Variants in HBP1 observed in about 807,000 individuals in gnomAD.
HBP1 encodes the protein HMG box-containing protein 1.
HBP1 carries 20 observed loss-of-function variants against 62.6 expected under a neutral mutation model. The observed-to-expected ratio is 0.32, with a 90% CI of 0.22 to 0.46. The LOEUF (loss-of-function observed/expected upper bound fraction) is 0.46. Ranked by LOEUF, HBP1 falls within the 20% of genes least tolerant of loss-of-function variation. The pLI, the probability that HBP1 is intolerant of heterozygous loss-of-function variation, is 1.00. For synonymous variants in HBP1, 232 were observed against 206.2 expected, an observed-to-expected ratio of 1.12 and a Z score of -1.07; for missense variants, 480 against 611.8, an observed-to-expected ratio of 0.78 and a Z score of 2.27.
intron 3 of HBP1, among the ~76,000 whole-genome samples, chr7:107,184,534 G>C (rs1444434932): frequency 6.6e-6 from 1 of 151,988 alleles, no homozygotes; most frequent in African/African-American, 2.4e-5. Context: ...TTTTTGAGAC[G>C]GAGTCTTGCT....
intron 9 of HBP1, chr7:107,197,048 G>C (rs1352165142): frequency 6.6e-6 from 1 of 152,200 alleles, no homozygotes; most frequent in Non-Finnish European, 1.5e-5. Flanking sequence ...CAAGCTGCCA[G>C]AGTTGTCAAA....
intron 1 of HBP1, 30 bp downstream of exon 1, chr7:107,169,215 GGGGGTGGGGAAGGGA>G: frequency 2.2e-6 from 2 of 911,656 alleles, no homozygotes; most frequent in Non-Finnish European, 2.8e-6. Flanking sequence ...GGGAAGAGGT[GGGGGTGGGGAAGGGA>G]GGGGCAGGAG....
chr7:107,186,166 C>CTTTTTTTTTTTTTTTTTTTTT (rs80124304), intron 4 of HBP1, among the ~76,000 whole-genome samples, 195 bp from the exon 5 acceptor site: 9 of 116,098 alleles, frequency 7.8e-5, no homozygotes, highest in Admixed American at 1.9e-4. Context: ...CTTTTTTTTT[C>CTTTTTTTTTTTTTTTTTTTTT]TTTTTTTTTT....
chr7:107,175,012 C>G (rs1174425475), intron 1 of HBP1, among the ~76,000 whole-genome samples: 1 of 151,890 alleles, frequency 6.6e-6, no homozygotes, highest in Non-Finnish European at 1.5e-5. Context: ...CACTGAGAAC[C>G]ATTGCAAAGG....
Position 107,200,151 on chromosome 7 carries a change from AT to A in HBP1, c.1386-5del. Reference sequence around the variant, plus strand: ...TGCTTTCAGCATTGTGTAAATATTTATTTTACAGAGCCATAAGTGTGATCCT... The same window carrying A: ...TGCTTTCAGCATTGTGTAAATATTTATTTACAGAGCCATAAGTGTGATCCT... On this transcript the variant is annotated splice_region_variant and splice_polypyrimidine_tract_variant and intron_variant, in intron 9 of 10. Transcript: ENST00000222574. 1 of 1,565,010 alleles carries A rather than the reference AT, an allele frequency of 6.4e-7. No individual in the cohort carries two copies. The highest frequency in any genetic ancestry group is 8.6e-7 in the Non-Finnish European group (1 of 1,156,770).
intron 1 of HBP1, among the ~76,000 whole-genome samples, chr7:107,176,641 A>G (rs1415609045): frequency 6.6e-6 from 1 of 151,834 alleles, no homozygotes; most frequent in African/African-American, 2.4e-5. Context: ...TTTTTTAAGC[A>G]TATGTATGAT....
At chr7:107,199,433 A>AAGTT (rs1491369624) in intron 9 of HBP1, among the ~76,000 whole-genome samples, 2 of 152,250 alleles carry the variant, frequency 1.3e-5, no homozygotes, top group Non-Finnish European at 2.9e-5. Flanking sequence ...TAACTGCATT[A>AAGTT]AGTTATTGGA....
At chr7:107,192,752 A>G (rs1246614281) in intron 8 of HBP1, 1 of 152,190 alleles carries the variant, frequency 6.6e-6, no homozygotes, top group Non-Finnish European at 1.5e-5. Flanking sequence ...GATGTTAGTC[A>G]TTGGTCTCAT....
chr7:107,184,113 T>C (rs192117099), intron 3 of HBP1, among the ~76,000 whole-genome samples: 1 of 152,374 alleles, frequency 6.6e-6, no homozygotes, highest in Admixed American at 6.5e-5. Flanking sequence ...TTTTTGTTAC[T>C]TCTGTTTTAA....
At chr7:107,195,608 C>T (rs1229032668) in intron 8 of HBP1, among the ~76,000 whole-genome samples, 1 of 152,058 alleles carries the variant, frequency 6.6e-6, no homozygotes, top group Non-Finnish European at 1.5e-5. Context: ...TTTGTATTAT[C>T]TGCAGAGGTT....
At position 107,196,001 on chromosome 7, in the gene HBP1, C is replaced by G. The variant is rs757995898; in HGVS notation, c.1235C>G (p.Ser412Cys). ...GGATCATCACAGCTCTCTTCCAATT[C>G]TTTGTATGCTAAAGCTGTCAAAAAC... Reference protein sequence around the residue: ...SPGSSQLSSNSLYAKAVKNHS... With the variant: ...SPGSSQLSSNCLYAKAVKNHS... The change falls in exon 9 of 11, where the codon TCT (serine) becomes TGT (cysteine). Residue 412 changes from serine to cysteine, a missense_variant. This residue lies in a region of HBP1 where 66 missense variants were observed against 56.4 expected (regional missense o/e 1.17). Transcript: ENST00000222574. The G allele has an allele frequency of 6.2e-7, 1 of 1,614,064 alleles. No individual in the cohort carries two copies. Among genetic ancestry groups the G allele is most frequent in the South Asian group, 1.1e-5 (1 of 91,078 alleles).
chr7:107,180,101 A>G (rs1374435155), intron 2 of HBP1, 39 bp downstream of exon 2: 2 of 1,338,210 alleles, frequency 1.5e-6, no homozygotes, highest in Non-Finnish European at 2.1e-6. Flanking sequence ...TCTCACTAAG[A>G]TTCAGATAAA....
chr7:107,174,749 A>G lies in HBP1; in HGVS notation c.-15-5130A>G, dbSNP rs760105714. The G allele has an allele frequency of 1.1e-4, 110 of 971,940 alleles. No homozygotes were observed. The Middle Eastern group carries it at 3.2e-3, about 28-fold the overall frequency. 60.2% of individuals were successfully genotyped at this position (971,940 alleles called of 1,614,324 possible). The stretch of plus-strand genomic sequence containing the variant: ...GCTTCTAAATTTCATAATAAAGGTA[A>G]AAATGGGAAATGTTTTCAGTTCAGA... On this transcript the variant is annotated intron_variant, in intron 1 of 10. Coordinates refer to ENST00000222574, the MANE Select transcript of HBP1 (RefSeq NM_012257.4).
chr7:107,186,321 T>TA lies in HBP1; in HGVS notation c.541-35dup, dbSNP rs572477581. On this transcript the variant is annotated intron_variant, in intron 4 of 10. Coordinates refer to ENST00000222574, the MANE Select transcript of HBP1 (RefSeq NM_012257.4). ...AAAACAGATATTAAAAGGTATATTT[T>TA]AAAAACAAATAAAAAAGTTGATAAT... 751 of 1,224,530 alleles carry TA rather than the reference T, an allele frequency of 6.1e-4. 2 individuals carry two copies. In the African/African-American group the frequency reaches 9.4e-3, roughly 15 times the overall value. 75.9% of individuals were successfully genotyped at this position (1,224,530 alleles called of 1,614,324 possible). A position where few individuals can be genotyped will look rare whatever the true frequency, so the allele number is the denominator to read the frequency against.
chr7:107,174,905 G>A (rs2115794543), intron 1 of HBP1, among the ~76,000 whole-genome samples: 1 of 152,214 alleles, frequency 6.6e-6, no homozygotes, highest in East Asian at 1.9e-4. Flanking sequence ...TATGGAAAGA[G>A]TTAAAATCTC....
intron 1 of HBP1, among the ~76,000 whole-genome samples, chr7:107,178,922 T>C (rs557928436): frequency 6.6e-6 from 1 of 152,124 alleles, no homozygotes; most frequent in African/African-American, 2.4e-5. Flanking sequence ...TAATCCCAGC[T>C]ACTAGGGAGG....
chr7:107,190,354 T>TA (rs1797592380), intron 8 of HBP1, 37 bp downstream of exon 8: 1 of 1,491,284 alleles, frequency 6.7e-7, no homozygotes, highest in African/African-American at 1.4e-5. Flanking sequence ...ATTTTCCTCT[T>TA]AAAGTTTGCC....
intron 3 of HBP1, among the ~76,000 whole-genome samples, chr7:107,182,827 T>C (rs1240840874): frequency 6.6e-6 from 1 of 152,148 alleles, no homozygotes; most frequent in Non-Finnish European, 1.5e-5. Context: ...GTAAAAAAAT[T>C]TGTAAATGTT....
chr7:107,184,919 T>C (rs1797282397), intron 3 of HBP1, among the ~76,000 whole-genome samples: 1 of 152,218 alleles, frequency 6.6e-6, no homozygotes, highest in African/African-American at 2.4e-5. Context: ...ATTTGGGACC[T>C]TACCTTCAGA....
Sources: gnomAD v4.1 joint callset for allele counts (sites outside exome capture counted in the v4.1 genomes callset) on GRCh38, gnomAD v4.1.1 for gene constraint, gnomAD v4.1.1 regional missense constraint, MANE v1.5 for transcripts, NCBI Gene and HGNC (gene_info 2026-07-23, HGNC 2026-07-21) for gene names.